The following SLC15A1 variants were observed in gnomAD, a reference collection of about 807,000 sequenced individuals.
SLC15A1 encodes solute carrier family 15 member 1.
Under a neutral mutation model 92.9 loss-of-function variants are expected in SLC15A1, and 83 were observed. The ratio of observed to expected loss-of-function variants is 0.89; its 90% CI spans 0.75 to 1.07. The LOEUF (loss-of-function observed/expected upper bound fraction) is 1.07, where lower values mean the gene tolerates loss of function less well. SLC15A1 is among the 50% of genes least tolerant of loss of function. SLC15A1 has a pLI of 0.00. For missense variants in SLC15A1, 857 were observed against 880.1 expected (o/e 0.97, Z 0.33); for synonymous variants, 322 against 318.2 (o/e 1.01, Z -0.13).
At chr13:98,692,729 G>A (rs528681932) in intron 18 of SLC15A1, among the ~76,000 whole-genome samples, 4 of 152,178 alleles carry the variant, frequency 2.6e-5, no homozygotes, top group Admixed American at 6.5e-5. Flanking sequence ...CAATGAATAA[G>A]GGTACTAATT....
chr13:98,685,534 G>T (rs1339060296), intron 22 of SLC15A1, among the ~76,000 whole-genome samples: 5 of 152,230 alleles, frequency 3.3e-5, no homozygotes, highest in Non-Finnish European at 7.3e-5. Flanking sequence ...TGTTATGAAA[G>T]TTCCAGGATA....
rs148551164 is a variant in SLC15A1, at chr13:98,735,285, C to A, written c.5-8426G>T. Among the ~76,000 whole-genome samples, 314 of 152,324 alleles carry A rather than the reference C, an allele frequency of 2.1e-3. 1 individual carries two copies. The highest frequency in any genetic ancestry group is 7.1e-3 in the African/African-American group (294 of 41,572). ...AAGAAAAGACTTTGACGAAATTCAA[C>A]AGCCTTCATGCTAAAAACTCTCAAT... On this transcript the variant is annotated intron_variant, in intron 1 of 22. Transcript: ENST00000376503.
At chr13:98,697,238 T>C (rs2088029697) in intron 18 of SLC15A1, among the ~76,000 whole-genome samples, 1 of 152,136 alleles carries the variant, frequency 6.6e-6, no homozygotes, top group Non-Finnish European at 1.5e-5. Context: ...GTATTTTTAG[T>C]AGAGACGGAG....
intron 18 of SLC15A1, among the ~76,000 whole-genome samples, chr13:98,695,939 C>T (rs2088017463): frequency 1.3e-5 from 2 of 152,046 alleles, no homozygotes; most frequent in African/African-American, 4.8e-5. Flanking sequence ...TGTGTTTTTT[C>T]CCTAGAGCCT....
chr13:98,724,114 T>C, intron 4 of SLC15A1, 83 bp from the exon 5 acceptor site: 1 of 1,560,378 alleles, frequency 6.4e-7, no homozygotes, highest in Non-Finnish European at 8.7e-7. Context: ...GACCCCCTCC[T>C]TGAAAGCTTT....
intron 5 of SLC15A1, 128 bp from the exon 6 acceptor site, chr13:98,722,031 AG>A: frequency 1.5e-6 from 1 of 677,056 alleles, no homozygotes; most frequent in South Asian, 2.6e-5. Flanking sequence ...TCTCGCGAGA[AG>A]CCAGCTCACA....
At chr13:98,722,053 G>A (rs185074249) in intron 5 of SLC15A1, 150 bp from the exon 6 acceptor site, 161 of 560,924 alleles carry the variant, frequency 2.9e-4, no homozygotes, top group Non-Finnish European at 4.5e-4. Context: ...GGAATGCAGC[G>A]TGATAGTCAA....
chr13:98,704,251 A>T (rs1475716867), intron 17 of SLC15A1, 38 bp downstream of exon 17: 2 of 1,528,148 alleles, frequency 1.3e-6, no homozygotes, highest in Non-Finnish European at 1.8e-6. Flanking sequence ...CAGTATCACA[A>T]ATAGCAAAGA....
chr13:98,689,078 T>C (rs2087955381), intron 18 of SLC15A1, among the ~76,000 whole-genome samples: 1 of 152,212 alleles, frequency 6.6e-6, no homozygotes, highest in Non-Finnish European at 1.5e-5. Context: ...TAGTTGGGAC[T>C]ACAGGCATGC....
At chr13:98,710,136 C>T (rs947759464) in intron 11 of SLC15A1, among the ~76,000 whole-genome samples, 2 of 152,136 alleles carry the variant, frequency 1.3e-5, no homozygotes, top group Admixed American at 6.5e-5. Flanking sequence ...GTGCTCCAAC[C>T]CCTCCTGAAG....
chr13:98,737,387 AAT>A (rs1195163207), intron 1 of SLC15A1, among the ~76,000 whole-genome samples: 1 of 152,232 alleles, frequency 6.6e-6, no homozygotes, highest in African/African-American at 2.4e-5. Flanking sequence ...AGAAATACCT[AAT>A]GTAAATGACG....
At position 98,686,187 on chromosome 13, in the gene SLC15A1, T is replaced by C. The variant is rs747454511; in HGVS notation, c.1935+3A>G. ...ATGTGCAATCTCCTCTCCCACGCCA[T>C]ACCTGTTTGCTGAACTGGCCTGCCC... On this transcript the variant is annotated splice_donor_region_variant and intron_variant, in intron 22 of 22. Coordinates refer to ENST00000376503, the MANE Select transcript of SLC15A1 (RefSeq NM_005073.4). 8.7e-6 allele frequency: 14 copies of C among 1,609,416 alleles called. No homozygotes were observed. Among genetic ancestry groups the C allele is most frequent in the Non-Finnish European group, 8.5e-6 (10 of 1,176,152 alleles).
At chr13:98,710,410 A>G (rs989419077) in intron 11 of SLC15A1, among the ~76,000 whole-genome samples, 1 of 152,182 alleles carries the variant, frequency 6.6e-6, no homozygotes, top group African/African-American at 2.4e-5. Context: ...CCTATTTCAC[A>G]GTGAAAGAGG....
At chr13:98,744,748 C>CAAAAAAAAAAAAAAAAAAAAAA (rs5806073) in intron 1 of SLC15A1, among the ~76,000 whole-genome samples, 1 of 82,414 alleles carries the variant, frequency 1.2e-5, no homozygotes, top group African/African-American at 4.6e-5. Flanking sequence ...GATTCCATCT[C>CAAAAAAAAAAAAAAAAAAAAAA]AAAAAAAAAA....
chr13:98,745,757 G>T (rs1457146008), intron 1 of SLC15A1, among the ~76,000 whole-genome samples: 1 of 152,062 alleles, frequency 6.6e-6, no homozygotes, highest in African/African-American at 2.4e-5. Context: ...CTTTTCTGTT[G>T]TTTCAAATTC....
chr13:98,712,606 G>T, intron 9 of SLC15A1, 22 bp from the exon 10 acceptor site: 1 of 1,572,302 alleles, frequency 6.4e-7, no homozygotes, highest in South Asian at 1.1e-5. Context: ...AAGAAAAATC[G>T]AATTTCAAAA....
At chr13:98,724,154 C>T (rs1313142315) in intron 4 of SLC15A1, 123 bp from the exon 5 acceptor site, 3 of 1,239,668 alleles carry the variant, frequency 2.4e-6, no homozygotes, top group Non-Finnish European at 3.4e-6. Flanking sequence ...ACACTTATTT[C>T]TCAAACTTGA....
intron 1 of SLC15A1, among the ~76,000 whole-genome samples, chr13:98,736,141 G>A (rs530445020): frequency 1.1e-4 from 17 of 152,250 alleles, no homozygotes; most frequent in Non-Finnish European, 2.4e-4. Flanking sequence ...TACCAAAACA[G>A]ATATATAGAT....
chr13:98,710,528 G>A (rs1245315873), intron 11 of SLC15A1, among the ~76,000 whole-genome samples: 1 of 152,120 alleles, frequency 6.6e-6, no homozygotes, highest in African/African-American at 2.4e-5. Flanking sequence ...AGAAAGTCAG[G>A]AAATTGGCCA....
Sources: allele counts gnomAD v4.1 joint callset (sites outside exome capture counted in the v4.1 genomes callset), GRCh38; gene constraint gnomAD v4.1.1; transcripts MANE v1.5; gene names NCBI Gene and HGNC (gene_info 2026-07-23, HGNC 2026-07-21).